SESN3: variants seen among roughly 807,000 people sequenced by gnomAD.
SESN3 encodes the protein sestrin-3.
SESN3 carries 21 observed loss-of-function variants against 55.3 expected under a neutral mutation model. The observed-to-expected ratio is 0.38, with a 90% CI of 0.27 to 0.55. The LOEUF (loss-of-function observed/expected upper bound fraction) is 0.55, where lower values mean the gene tolerates loss of function less well. Among genes scored for constraint, SESN3 ranks in the 20% least tolerant of loss-of-function variants. The pLI, the probability that SESN3 is intolerant of heterozygous loss-of-function variation, is 0.76. For missense variants in SESN3, 408 were observed against 604.3 expected (o/e 0.68, Z 3.41); for synonymous variants, 181 against 203.1 (o/e 0.89, Z 0.93).
intron 2 of SESN3, among the ~76,000 whole-genome samples, chr11:95,192,010 T>A (rs989636783): frequency 5.3e-5 from 8 of 152,058 alleles, no homozygotes; most frequent in African/African-American, 9.7e-5. Context: ...GATAAGCACA[T>A]CATTTTTAGA....
At chr11:95,194,713 G>T (rs1860329552) in intron 1 of SESN3, among the ~76,000 whole-genome samples, 1 of 151,938 alleles carries the variant, frequency 6.6e-6, no homozygotes, top group Non-Finnish European at 1.5e-5. Flanking sequence ...TTCCAATATT[G>T]GTATTTCTTG....
At chr11:95,184,622 G>A in intron 5 of SESN3, 28 bp from the exon 6 acceptor site, 2 of 1,597,946 alleles carry the variant, frequency 1.3e-6, no homozygotes, top group Non-Finnish European at 1.7e-6. Context: ...AATGTTGGGT[G>A]CTATTCATAC....
In SESN3 at chr11:95,172,203, A is replaced by ATTT. The variant is rs1048847592; in HGVS notation, c.*1049_*1051dup. On this transcript the variant is annotated 3_prime_UTR_variant, in exon 10 of 10. Transcript: ENST00000536441. ...AATCACATTAATGCATAGAAACACA[A>ATTT]TTTTTACCTTTGAAAAATAAACTGT... 3 of 152,190 alleles carry ATTT rather than the reference A, an allele frequency of 2.0e-5. No homozygotes were observed. The highest frequency in any genetic ancestry group is 7.2e-5 in the African/African-American group (3 of 41,466). 9.4% of individuals were successfully genotyped at this position (152,190 alleles called of 1,614,324 possible). A position where few individuals can be genotyped will look rare whatever the true frequency, so the allele number is the denominator to read the frequency against.
intron 1 of SESN3, among the ~76,000 whole-genome samples, chr11:95,223,823 C>A (rs1860901945): frequency 6.6e-6 from 1 of 152,112 alleles, no homozygotes; most frequent in South Asian, 2.1e-4. Context: ...CCTGGAACCC[C>A]TTCGCACTCT....
chr11:95,213,941 GAAAA>G (rs1385008381), intron 1 of SESN3, among the ~76,000 whole-genome samples: 1 of 151,854 alleles, frequency 6.6e-6, no homozygotes, highest in African/African-American at 2.4e-5. Flanking sequence ...AAAGAAAAAA[GAAAA>G]AAAGATAAAA....
intron 1 of SESN3, among the ~76,000 whole-genome samples, chr11:95,228,754 T>C (rs1860993819): frequency 6.6e-6 from 1 of 152,112 alleles, no homozygotes; most frequent in African/African-American, 2.4e-5. Context: ...TACCTTGGAG[T>C]TACTAAAAAC....
intron 3 of SESN3, 61 bp from the exon 4 acceptor site, chr11:95,190,022 T>C: frequency 1.6e-6 from 2 of 1,265,414 alleles, no homozygotes; most frequent in South Asian, 3.0e-5. Context: ...CTTTCCACTA[T>C]TTCTAAACAA....
At chr11:95,184,125 A>G (rs1473858980) in intron 6 of SESN3, 4 of 395,308 alleles carry the variant, frequency 1.0e-5, no homozygotes, top group Admixed American at 8.5e-5. Flanking sequence ...CAAAAGTAGG[A>G]TAAATTAAAT....
intron 1 of SESN3, among the ~76,000 whole-genome samples, chr11:95,199,213 T>C (rs1429198182): frequency 6.6e-6 from 1 of 152,136 alleles, no homozygotes; most frequent in Non-Finnish European, 1.5e-5. Flanking sequence ...TGAAATCCTA[T>C]AATTTTAATC....
At chr11:95,197,501 A>G (rs190873431) in intron 1 of SESN3, among the ~76,000 whole-genome samples, 1 of 149,986 alleles carries the variant, frequency 6.7e-6, no homozygotes, top group African/African-American at 2.5e-5. Flanking sequence ...CTGCAGTGCA[A>G]TGGCACAATC....
Position 95,218,627 on chromosome 11 carries a change from C to T in SESN3, c.78+12156G>A, listed in dbSNP as rs1369708267. 2.0e-5 allele frequency among the ~76,000 whole-genome samples: 3 copies of T among 151,210 alleles called. No individual in the cohort carries two copies. In the East Asian group the frequency reaches 5.8e-4, roughly 29 times the overall value. ...AAAACTGTTTCTACATTCCCATCTA[C>T]CTAAACATAGATTTACCCTCTTTTT... On this transcript the variant is annotated intron_variant, in intron 1 of 9. Transcript: ENST00000536441.
At chr11:95,229,055 A>G (rs1201119672) in intron 1 of SESN3, among the ~76,000 whole-genome samples, 1 of 152,212 alleles carries the variant, frequency 6.6e-6, no homozygotes, top group African/African-American at 2.4e-5. Context: ...AAATTTTTTT[A>G]TCAAAGTCAA....
intron 9 of SESN3, 62 bp from the exon 10 acceptor site, chr11:95,173,403 C>T: frequency 9.4e-7 from 1 of 1,061,352 alleles, no homozygotes; most frequent in East Asian, 2.4e-5. Flanking sequence ...TCTTATTAGA[C>T]ATTCACAAAG....
chr11:95,231,811 T>C (rs529996281), upstream of SESN3: 8 of 152,322 alleles, frequency 5.3e-5, no homozygotes, highest in African/African-American at 1.7e-4. Flanking sequence ...CATCATTTAT[T>C]GTGAACCTTG....
intron 1 of SESN3, among the ~76,000 whole-genome samples, chr11:95,221,332 A>G (rs556286604): frequency 6.6e-6 from 1 of 152,244 alleles, no homozygotes; most frequent in East Asian, 1.9e-4. Context: ...ACAGTTTCAG[A>G]TAATTACAAT....
intron 9 of SESN3, among the ~76,000 whole-genome samples, chr11:95,174,374 T>A (rs1859914196): frequency 6.6e-6 from 1 of 152,248 alleles, no homozygotes; most frequent in Admixed American, 6.5e-5. Flanking sequence ...TCTAACTTCA[T>A]GTTGCCTATA....
intron 1 of SESN3, among the ~76,000 whole-genome samples, chr11:95,214,352 C>A (rs796298429): frequency 6.6e-6 from 1 of 152,146 alleles, no homozygotes; most frequent in African/African-American, 2.4e-5. Flanking sequence ...GGAAAACACC[C>A]ATTACCTCAA....
intron 4 of SESN3, among the ~76,000 whole-genome samples, chr11:95,187,703 C>T (rs1162331066): frequency 6.6e-6 from 1 of 151,786 alleles, no homozygotes; most frequent in Non-Finnish European, 1.5e-5. Context: ...ACAGTATCTC[C>T]TTGGATGGGC....
intron 6 of SESN3, chr11:95,182,051 T>A: frequency 4.2e-6 from 1 of 236,170 alleles, no homozygotes; most frequent in East Asian, 1.3e-4. Context: ...AATTAGAACA[T>A]AATTTTTGGC....
Sources: allele counts gnomAD v4.1 joint callset (sites outside exome capture counted in the v4.1 genomes callset), GRCh38; gene constraint gnomAD v4.1.1; transcripts MANE v1.5; gene names NCBI Gene and HGNC (gene_info 2026-07-23, HGNC 2026-07-21).